The following RNF14 variants were observed in gnomAD, a reference collection of about 807,000 sequenced individuals.
RNF14 encodes E3 ubiquitin-protein ligase RNF14.
A neutral mutation model predicts 52.6 loss-of-function variants in RNF14; 26 were observed. The observed-to-expected ratio is 0.49, with a 90% CI of 0.36 to 0.69. RNF14 has a LOEUF of 0.69. Ranked by LOEUF, RNF14 falls within the 30% of genes least tolerant of loss-of-function variation. The pLI is 0.00. For synonymous variants in RNF14, 194 were observed against 202.0 expected, an observed-to-expected ratio of 0.96 and a Z score of 0.34; for missense variants, 404 against 560.4, an observed-to-expected ratio of 0.72 and a Z score of 2.82.
At chr5:141,977,381 C>T (rs879871823) in intron 4 of RNF14, among the ~76,000 whole-genome samples, 26 of 152,184 alleles carry the variant, frequency 1.7e-4, no homozygotes, top group Admixed American at 7.9e-4. Flanking sequence ...AATCTGGTCC[C>T]TTTTCATTTG....
upstream of RNF14, among the ~76,000 whole-genome samples, chr5:141,962,554 A>G (rs1225610478): frequency 1.3e-5 from 2 of 152,232 alleles, no homozygotes; most frequent in African/African-American, 2.4e-5. Context: ...ATAAAAATAA[A>G]TAGACGGGAG....
chr5:141,986,004 A>T (rs954942751), intron 8 of RNF14, among the ~76,000 whole-genome samples: 6 of 152,218 alleles, frequency 3.9e-5, no homozygotes, highest in Non-Finnish European at 5.9e-5. Flanking sequence ...TCGATTTAGA[A>T]TAACATTTTT....
chr5:141,962,391 A>G (rs759967566), upstream of RNF14, among the ~76,000 whole-genome samples: 1 of 152,262 alleles, frequency 6.6e-6, no homozygotes, highest in African/African-American at 2.4e-5. Flanking sequence ...TACCAGGGAC[A>G]GGGCAAGAAA....
At chr5:141,956,994 G>T, upstream of RNF14, 1 of 1,614,202 alleles carries the variant, frequency 6.2e-7, no homozygotes, top group Non-Finnish European at 8.5e-7. Context: ...CTGGAGGCAT[G>T]TGCTTACTGA....
chr5:141,949,996 C>T, the RNF14 span, among the ~76,000 whole-genome samples: 8 of 152,324 alleles, frequency 5.3e-5, no homozygotes, highest in South Asian at 2.1e-4. Context: ...GCCGTCCATC[C>T]GTCCGTAGGA....
At chr5:141,949,519 C>T in the RNF14 span, 3 of 1,614,216 alleles carry the variant, frequency 1.9e-6, no homozygotes, top group South Asian at 2.2e-5. Flanking sequence ...GGCCCTTCCT[C>T]CTGTTCTGGG....
At chr5:141,985,468 T>G (rs959090174) in intron 8 of RNF14, among the ~76,000 whole-genome samples, 7 of 152,214 alleles carry the variant, frequency 4.6e-5, no homozygotes, top group Non-Finnish European at 8.8e-5. Context: ...TCTGAACAAG[T>G]TCAGTCATTG....
upstream of RNF14, among the ~76,000 whole-genome samples, chr5:141,968,591 C>G (rs1411260825): frequency 2.6e-5 from 4 of 152,164 alleles, no homozygotes; most frequent in African/African-American, 9.7e-5. Context: ...GTGAGAATAA[C>G]AAATGGTAGC....
chr5:141,973,913 A>G lies in RNF14; in HGVS notation c.154+171A>G, dbSNP rs544133833. The stretch of plus-strand genomic sequence containing the variant: ...TGCAATGAGGGGCAAGCAGTTTTCA[A>G]TTTGATTCTACCTTTTTGATCACTG... On this transcript the variant is annotated intron_variant, in intron 3 of 8. Transcript: ENST00000394520. 3.9e-4 allele frequency among the ~76,000 whole-genome samples: 60 copies of G among 152,322 alleles called. No individual in the cohort carries two copies. The South Asian group carries it at 7.5e-3, about 19-fold the overall frequency.
At chr5:141,987,688 G>A (rs776793151) in intron 8 of RNF14, 45 bp from the exon 9 acceptor site, 3 of 1,580,330 alleles carry the variant, frequency 1.9e-6, no homozygotes, top group South Asian at 1.1e-5. Flanking sequence ...AATTTATATT[G>A]TTTCGTTCAA....
At chr5:141,980,828 G>C (rs899646777) in intron 6 of RNF14, among the ~76,000 whole-genome samples, 3 of 152,212 alleles carry the variant, frequency 2.0e-5, no homozygotes, top group African/African-American at 7.2e-5. Context: ...TGTAGATCCT[G>C]GATGGCCAAT....
upstream of RNF14, chr5:141,957,272 C>T: frequency 6.2e-7 from 1 of 1,613,804 alleles, no homozygotes; most frequent in East Asian, 2.2e-5. The surrounding 1 kb of genome is among the most constrained non-coding windows in gnomAD (Gnocchi z 4.3). Context: ...ATGAGTTCTG[C>T]ATGTTTGGTC....
upstream of RNF14, chr5:141,963,066 A>G (rs1753287616): frequency 6.6e-6 from 1 of 152,192 alleles, no homozygotes; most frequent in South Asian, 2.1e-4. Context: ...GTGTGTCACT[A>G]TTCATTATAG....
intron 1 of RNF14, chr5:141,969,629 C>T (rs1753558248): frequency 6.6e-6 from 1 of 152,266 alleles, no homozygotes; most frequent in African/African-American, 2.4e-5. Context: ...TACTGGATTC[C>T]AAGTGACAGC....
In RNF14 at chr5:141,980,109, G is replaced by T. The variant is rs371705897; in HGVS notation, c.835-14G>T. ...GGAATCATCAAACCTATGGTGTTTTGTATTTCCCTCCAGGTCAAAGAGTTA... is the reference window on the plus strand; with the variant it reads ...GGAATCATCAAACCTATGGTGTTTTTTATTTCCCTCCAGGTCAAAGAGTTA... On this transcript the variant is annotated splice_polypyrimidine_tract_variant and intron_variant, in intron 5 of 8. Coordinates refer to ENST00000394520, the MANE Select transcript of RNF14 (RefSeq NM_004290.5). 6.7e-5 allele frequency: 107 copies of T among 1,607,972 alleles called. No homozygotes were observed. The highest frequency in any genetic ancestry group is 7.8e-5 in the Non-Finnish European group (92 of 1,174,522).
chr5:141,979,768 G>A (rs970032052), intron 5 of RNF14, among the ~76,000 whole-genome samples: 1 of 152,054 alleles, frequency 6.6e-6, no homozygotes, highest in Non-Finnish European at 1.5e-5. Context: ...GCAAGTGCCT[G>A]TTGCCCTAGC....
intron 8 of RNF14, 62 bp downstream of exon 8, chr5:141,984,995 C>A: frequency 1.4e-6 from 2 of 1,427,136 alleles, no homozygotes; most frequent in Admixed American, 1.8e-5. Flanking sequence ...TTGCAGACCA[C>A]AAATCCAGTG....
upstream of RNF14, chr5:141,956,631 G>C: frequency 6.2e-7 from 1 of 1,614,206 alleles, no homozygotes; most frequent in Non-Finnish European, 8.5e-7. Context: ...TGTATGTGTT[G>C]CCATTAGTTC....
chr5:141,987,883 T>C lies in RNF14; in HGVS notation c.*93T>C. 7 of 1,133,062 alleles carry C rather than the reference T, an allele frequency of 6.2e-6. No individual in the cohort carries two copies. The highest frequency in any genetic ancestry group is 9.4e-6 in the Non-Finnish European group (7 of 745,752). 70.2% of individuals were successfully genotyped at this position (1,133,062 alleles called of 1,614,324 possible). On this transcript the variant is annotated 3_prime_UTR_variant, in exon 9 of 9. Coordinates refer to ENST00000394520, the MANE Select transcript of RNF14 (RefSeq NM_004290.5). Reference sequence around the variant, plus strand: ...CTTTGCGGGATATTTAGGGTACTATTCATTCACTCTTCCTGCGTAGAAGAT... The same window carrying C: ...CTTTGCGGGATATTTAGGGTACTATCCATTCACTCTTCCTGCGTAGAAGAT...
Sources: allele counts gnomAD v4.1 joint callset (sites outside exome capture counted in the v4.1 genomes callset), GRCh38; gene constraint gnomAD v4.1.1; non-coding constraint Gnocchi (gnomAD v3.1); transcripts MANE v1.5; gene names NCBI Gene and HGNC (gene_info 2026-07-23, HGNC 2026-07-21).